KCNH7: variants seen among roughly 807,000 people sequenced by gnomAD.
The protein encoded by KCNH7 is potassium voltage-gated channel subfamily H member 7, also known as voltage-gated inwardly rectifying potassium channel KCNH7.
Under a neutral mutation model 120.8 loss-of-function variants are expected in KCNH7, and 49 were observed. The ratio of observed to expected loss-of-function variants is 0.41; its 90% confidence interval spans 0.32 to 0.51. The LOEUF is 0.51. Among genes scored for constraint, KCNH7 ranks in the 20% least tolerant of loss-of-function variants. The pLI, the probability that KCNH7 is intolerant of heterozygous loss-of-function variation, is 0.38. For synonymous variants in KCNH7, 547 were observed against 516.1 expected (o/e 1.06, Z -0.81); for missense variants, 1,097 against 1,446.6 (o/e 0.76, Z 3.92).
intron 2 of KCNH7, among the ~76,000 whole-genome samples, chr2:162,643,408 G>T (rs1363468460): frequency 3.3e-5 from 5 of 151,916 alleles, no homozygotes; most frequent in Admixed American, 6.6e-5. Context: ...TAATTACACA[G>T]TAAATTAAAG....
intron 2 of KCNH7, among the ~76,000 whole-genome samples, chr2:162,579,545 G>A (rs1693805616): frequency 6.6e-6 from 1 of 151,980 alleles, no homozygotes. Flanking sequence ...TTGACATACG[G>A]GTTTCAGGAC....
intron 2 of KCNH7, among the ~76,000 whole-genome samples, chr2:162,801,058 T>A (rs963744335): frequency 6.6e-6 from 1 of 151,880 alleles, no homozygotes; most frequent in Non-Finnish European, 1.5e-5. Context: ...GCCATGTTTA[T>A]ATTTATGGAA....
chr2:162,407,435 C>G (rs184039633), intron 9 of KCNH7, among the ~76,000 whole-genome samples: 1 of 152,092 alleles, frequency 6.6e-6, no homozygotes, highest in East Asian at 1.9e-4. Context: ...TTATCCTGAT[C>G]CAAATTAAGT....
At chr2:162,606,216 A>G (rs1682761094) in intron 2 of KCNH7, among the ~76,000 whole-genome samples, 1 of 151,976 alleles carries the variant, frequency 6.6e-6, no homozygotes, top group African/African-American at 2.4e-5. Flanking sequence ...TTTTTCCAGA[A>G]TTTTTGTCTG....
intron 2 of KCNH7, among the ~76,000 whole-genome samples, chr2:162,736,385 C>T (rs564957672): frequency 2.8e-4 from 42 of 152,126 alleles, no homozygotes; most frequent in Non-Finnish European, 5.3e-4. Flanking sequence ...AATCTGGAAA[C>T]CTGTGGATGT....
rs530500469 is a variant in KCNH7 at position 162,601,733 on chromosome 2, G to A, written c.308-64653C>T. Among the ~76,000 whole-genome samples the A allele has an allele frequency of 3.9e-4, 60 of 152,034 alleles. 2 individuals carry two copies. The South Asian group carries it at 0.01, about 26-fold the overall frequency. On this transcript the variant is annotated intron_variant, in intron 2 of 15. Coordinates refer to ENST00000332142, the MANE Select transcript of KCNH7 (RefSeq NM_033272.4). ...AAGTTACATTAAATATTGTAAACAC[G>A]TGAGTTCAGATGCTCCCTTTCATAT... is the stretch of plus-strand genomic sequence containing the variant.
Position 162,517,767 on chromosome 2 carries a change from G to A in KCNH7, c.855C>T (p.His285=). ...SVHDIEGFGV[H]PKNIFRDRHA... ...GTCGGTCTCTAAATATGTTCTTGGG[G>A]TGGACGCCGAATCCTTCTATATCAT... The change falls in exon 4 of 16, where the codon CAC becomes CAT. Residue 285 remains histidine, a synonymous_variant. Transcript: ENST00000332142. The A allele has an allele frequency of 6.3e-7, 1 of 1,585,204 alleles. No homozygotes were observed. Among genetic ancestry groups the A allele is most frequent in the Non-Finnish European group, 8.6e-7 (1 of 1,157,986 alleles).
intron 2 of KCNH7, among the ~76,000 whole-genome samples, chr2:162,696,277 CA>C (rs1280732290): frequency 2.6e-5 from 4 of 151,988 alleles, no homozygotes; most frequent in Non-Finnish European, 5.9e-5. Context: ...ATTTACTATG[CA>C]AAAATATTTT....
intron 2 of KCNH7, among the ~76,000 whole-genome samples, chr2:162,723,162 C>CTTTG (rs71410035): frequency 0.022 from 3,401 of 151,502 alleles, 72 homozygotes; most frequent in East Asian, 0.11. Flanking sequence ...GTATCTGTTC[C>CTTTG]TTTGGGCCAT....
intron 8 of KCNH7, among the ~76,000 whole-genome samples, chr2:162,430,261 G>T (rs1378933108): frequency 1.3e-5 from 2 of 151,962 alleles, no homozygotes; most frequent in East Asian, 3.9e-4. Flanking sequence ...ACATCTATGT[G>T]AGCTCTGGAA....
chr2:162,787,236 G>C (rs1221795044), intron 2 of KCNH7, among the ~76,000 whole-genome samples: 2 of 152,096 alleles, frequency 1.3e-5, no homozygotes, highest in East Asian at 3.9e-4. Context: ...TCAGATCCCA[G>C]GTCAGTGCCC....
At chr2:162,739,329 C>G (rs1285860780) in intron 2 of KCNH7, among the ~76,000 whole-genome samples, 4 of 152,162 alleles carry the variant, frequency 2.6e-5, no homozygotes, top group Non-Finnish European at 4.4e-5. Context: ...GATGTTATTC[C>G]TAATGTCAAC....
At chr2:162,719,941 A>G (rs1430665623) in intron 2 of KCNH7, among the ~76,000 whole-genome samples, 1 of 152,064 alleles carries the variant, frequency 6.6e-6, no homozygotes, top group Non-Finnish European at 1.5e-5. Flanking sequence ...TTAAAATACT[A>G]GGAGCTGTTA....
At chr2:162,606,959 GTTATA>G in intron 2 of KCNH7, among the ~76,000 whole-genome samples, 1 of 152,216 alleles carries the variant, frequency 6.6e-6, no homozygotes, top group Admixed American at 6.5e-5. Flanking sequence ...AGTTGGGAAT[GTTATA>G]TTATCACTAA....
At chr2:162,591,706 G>C (rs1413922704) in intron 2 of KCNH7, among the ~76,000 whole-genome samples, 1 of 152,142 alleles carries the variant, frequency 6.6e-6, no homozygotes, top group Admixed American at 6.6e-5. Flanking sequence ...GCCACAAAAA[G>C]TCTATAGAAT....
At position 162,372,109 on chromosome 2, in the gene KCNH7, A is replaced by G. The variant is rs781480448; in HGVS notation, c.3325-14T>C. ...AAATTCAGGACACTGATGGAAAAAG[A>G]ACAAAACAAGTTTTTATAATTCACA... On this transcript the variant is annotated splice_polypyrimidine_tract_variant and intron_variant, in intron 15 of 15. Transcript: ENST00000332142. 2 of 1,593,834 alleles carry G rather than the reference A, an allele frequency of 1.3e-6. 1 individual carries two copies. Among genetic ancestry groups the G allele is most frequent in the South Asian group, 2.2e-5 (2 of 89,744 alleles).
rs143105118 is a variant in KCNH7 at position 162,802,651 on chromosome 2, T to C, written c.307+33886A>G. On this transcript the variant is annotated intron_variant, in intron 2 of 15. Transcript: ENST00000332142. Reference sequence around the variant, plus strand: ...ATAAACAAAATAAATTATGACAATATATTTTATCTAATCCAATAAACCCAC... The same window carrying C: ...ATAAACAAAATAAATTATGACAATACATTTTATCTAATCCAATAAACCCAC... Among the ~76,000 whole-genome samples the C allele has an allele frequency of 1.4e-3, 215 of 151,912 alleles. 1 individual carries two copies. The highest frequency in any genetic ancestry group is 3.4e-3 in the Middle Eastern group (1 of 294).
intron 2 of KCNH7, among the ~76,000 whole-genome samples, chr2:162,678,343 C>T (rs1445133046): frequency 1.4e-5 from 2 of 148,130 alleles, no homozygotes; most frequent in East Asian, 3.9e-4. Context: ...GAGTTTGAAG[C>T]ATTGATAACA....
chr2:162,772,878 C>T (rs1683104313), intron 2 of KCNH7, among the ~76,000 whole-genome samples: 1 of 152,128 alleles, frequency 6.6e-6, no homozygotes, highest in South Asian at 2.1e-4. Flanking sequence ...ACATATATAA[C>T]TCAGAGAAGA....
Sources: gnomAD v4.1 joint callset for allele counts (sites outside exome capture counted in the v4.1 genomes callset) on GRCh38, gnomAD v4.1.1 for gene constraint, MANE v1.5 for transcripts, NCBI Gene and HGNC (gene_info 2026-07-23, HGNC 2026-07-21) for gene names.